The following C1QL3 variants were observed in gnomAD, a reference collection of about 807,000 sequenced individuals.
C1QL3 encodes the protein complement C1q-like protein 3.
A neutral mutation model predicts 16.6 loss-of-function variants in C1QL3; 4 were observed. The observed-to-expected ratio is 0.24, with a 90% CI of 0.12 to 0.55. The LOEUF (loss-of-function observed/expected upper bound fraction) is 0.55. Among genes scored for constraint, C1QL3 ranks in the 20% least tolerant of loss-of-function variants. The pLI, the probability that C1QL3 is intolerant of heterozygous loss-of-function variation, is 0.94. For missense variants in C1QL3, 269 were observed against 365.6 expected (o/e 0.74, Z 2.16); for synonymous variants, 189 against 160.2 (o/e 1.18, Z -1.36).
chr10:16,516,954 G>A lies in C1QL3; in HGVS notation c.589-2247C>T, dbSNP rs1424334230. ...ATAATTGCCATACTCCAGTGTACCT[G>A]GCATGATTTTGGTATGGCTGCTCAC... On this transcript the variant is annotated intron_variant, in intron 1 of 1. Transcript: ENST00000298943. 2.6e-5 allele frequency among the ~76,000 whole-genome samples: 4 copies of A among 152,170 alleles called. No individual in the cohort carries two copies. In the East Asian group the frequency reaches 7.7e-4, roughly 29 times the overall value.
Position 16,521,090 on chromosome 10 carries a change from G to T in C1QL3, c.-25C>A. 1 of 1,573,382 alleles carries T rather than the reference G, an allele frequency of 6.4e-7. No homozygotes were observed. The highest frequency in any genetic ancestry group is 8.6e-7 in the Non-Finnish European group (1 of 1,164,192). On this transcript the variant is annotated 5_prime_UTR_variant, in exon 1 of 2. Transcript: ENST00000298943. ...TCACCACCCCCAGCGCCCCGGCGGC[G>T]ATCAGGCGCCTCCTGCTGCCCACCA... is the stretch of plus-strand genomic sequence containing the variant.
chr10:16,519,139 A>ATTTTTTTTT (rs1385047282), intron 1 of C1QL3, among the ~76,000 whole-genome samples: 1 of 26,138 alleles, frequency 3.8e-5, no homozygotes, highest in African/African-American at 3.2e-4. Flanking sequence ...CGCATTTAGG[A>ATTTTTTTTT]CTTTTTTTTT....
chr10:16,515,377 C>T (rs1034607903), intron 1 of C1QL3, among the ~76,000 whole-genome samples: 6 of 151,982 alleles, frequency 3.9e-5, no homozygotes, highest in African/African-American at 1.4e-4. Flanking sequence ...TCCATCGTGT[C>T]TTTTTATTAC....
intron 1 of C1QL3, among the ~76,000 whole-genome samples, chr10:16,515,191 C>G (rs1194864798): frequency 6.8e-6 from 1 of 147,940 alleles, no homozygotes; most frequent in Non-Finnish European, 1.5e-5. Flanking sequence ...TAAAAATACC[C>G]AGGAAAATAC....
Position 16,520,841 on chromosome 10 carries a change from G to T in C1QL3, c.225C>A (p.Arg75=), listed in dbSNP as rs1281911856. Reference sequence around the variant, plus strand: ...GTGGCCCGGGCTCTCCGGGGGGCCCGCGCGGACCCGCCTTCCCGGGCCTGC... The same window carrying T: ...GTGGCCCGGGCTCTCCGGGGGGCCCTCGCGGACCCGCCTTCCCGGGCCTGC... ...EAGRPGKAGP[R]GPPGEPGPPG... is the part of the protein sequence containing the mutation. Residue 75 remains arginine, a synonymous_variant, in exon 1 of 2, where the codon CGC becomes CGA. Transcript: ENST00000298943. The surrounding 1 kb of genome is among the most constrained non-coding windows in gnomAD (Gnocchi z 8.3). 8 of 1,403,202 alleles carry T rather than the reference G, an allele frequency of 5.7e-6. No individual in the cohort carries two copies. In the South Asian group the frequency reaches 7.7e-5, roughly 13 times the overall value. 86.9% of individuals were successfully genotyped at this position (1,403,202 alleles called of 1,614,324 possible). A position where few individuals can be genotyped will look rare whatever the true frequency, so the allele number is the denominator to read the frequency against.
chr10:16,515,920 C>A (rs1413513871), intron 1 of C1QL3, among the ~76,000 whole-genome samples: 1 of 152,070 alleles, frequency 6.6e-6, no homozygotes, highest in Non-Finnish European at 1.5e-5. Context: ...TGGATTTTAT[C>A]ACTTGGCAAA....
At chr10:16,516,720 T>C (rs1836957172) in intron 1 of C1QL3, among the ~76,000 whole-genome samples, 1 of 152,210 alleles carries the variant, frequency 6.6e-6, no homozygotes, top group East Asian at 1.9e-4. Flanking sequence ...CTCCAGGGTG[T>C]AACCACAAAA....
intron 1 of C1QL3, among the ~76,000 whole-genome samples, chr10:16,517,078 G>A (rs1836963187): frequency 6.6e-6 from 1 of 152,180 alleles, no homozygotes; most frequent in South Asian, 2.1e-4. Context: ...AACTATTGAG[G>A]AAGGCAATGT....
Position 16,520,747 on chromosome 10 carries a change from C to T in C1QL3, c.319G>A (p.Ala107Thr), listed in dbSNP as rs1445852003. The change falls in exon 1 of 2, where the codon GCG becomes ACG. Residue 107 changes from alanine (A) to threonine (T), a missense_variant. Transcript: ENST00000298943. This position sits in a 1 kb window ranked among gnomAD's most constrained non-coding sequence, Gnocchi z 8.3. Reference sequence around the variant, plus strand: ...GCCCCGGCCGCGTTCAGGCCGGGCGCCCCGGGCGGGCCCGGCAGGCCTTGG... The same window carrying T: ...GCCCCGGCCGCGTTCAGGCCGGGCGTCCCGGGCGGGCCCGGCAGGCCTTGG... ...GRQGLPGPPG[A>T]PGLNAAGAIS... 1.4e-6 allele frequency: 2 copies of T among 1,424,246 alleles called. No individual in the cohort carries two copies. Among genetic ancestry groups the T allele is most frequent in the Non-Finnish European group, 1.8e-6 (2 of 1,086,154 alleles). 88.2% of individuals were successfully genotyped at this position (1,424,246 alleles called of 1,614,324 possible).
chr10:16,521,676 G>A lies in C1QL3; in HGVS notation c.-611C>T, dbSNP rs1197428065. On this transcript the variant is annotated 5_prime_UTR_variant, in exon 1 of 2. Transcript: ENST00000298943. ...TGCCACCACCACAACTCGAATAGAC[G>A]CGCACCCCAAAGCCCCGCGTGGGCC... 2.0e-5 allele frequency: 3 copies of A among 151,974 alleles called. No homozygotes were observed. The highest frequency in any genetic ancestry group is 2.9e-5 in the Non-Finnish European group (2 of 68,198). The allele number at this position is 151,974 out of a possible 1,614,324, so 9.4% of individuals were successfully genotyped here.
Position 16,513,812 on chromosome 10 carries a change from C to T in C1QL3, c.*716G>A, listed in dbSNP as rs1195143964. On this transcript the variant is annotated 3_prime_UTR_variant, in exon 2 of 2. Transcript: ENST00000298943. ...TTTCTAAATACCGTACATAATTACA[C>T]ATTTTCACACTTAGAGGGTAATCCT... 3 of 152,730 alleles carry T rather than the reference C, an allele frequency of 2.0e-5. No homozygotes were observed. The highest frequency in any genetic ancestry group is 4.8e-5 in the African/African-American group (2 of 41,446). 9.5% of individuals were successfully genotyped at this position (152,730 alleles called of 1,614,324 possible).
intron 1 of C1QL3, among the ~76,000 whole-genome samples, chr10:16,519,120 T>C (rs1836995574): frequency 7.0e-6 from 1 of 143,456 alleles, no homozygotes; most frequent in African/African-American, 2.6e-5. Flanking sequence ...TTGTCTTTTT[T>C]CTCTCTTACG....
chr10:16,515,002 T>G (rs1251126795), intron 1 of C1QL3, among the ~76,000 whole-genome samples: 1 of 152,116 alleles, frequency 6.6e-6, no homozygotes, highest in African/African-American at 2.4e-5. Context: ...GTATCACTCG[T>G]TTTTCTAACT....
Position 16,520,358 on chromosome 10 carries a change from G to T in C1QL3, c.588+120C>A. The T allele has an allele frequency of 1.3e-6, 1 of 777,878 alleles. No individual in the cohort carries two copies. The highest frequency in any genetic ancestry group is 2.0e-6 in the Non-Finnish European group (1 of 501,170). 48.2% of individuals were successfully genotyped at this position (777,878 alleles called of 1,614,324 possible). On this transcript the variant is annotated intron_variant, in intron 1 of 1. Coordinates refer to ENST00000298943, the MANE Select transcript of C1QL3 (RefSeq NM_001010908.2). The surrounding 1 kb of genome is among the most constrained non-coding windows in gnomAD (Gnocchi z 8.3). ...CGTCCCCCCTTGCCGTCGCTCCAGG[G>T]AGCCCGGCCGCCGCGCCCTTCCTCC...
chr10:16,519,882 G>T (rs761815602), intron 1 of C1QL3, among the ~76,000 whole-genome samples: 1 of 152,120 alleles, frequency 6.6e-6, no homozygotes, highest in African/African-American at 2.4e-5. Flanking sequence ...TGGAGTTTGC[G>T]CCTTGAAATT....
Position 16,520,610 on chromosome 10 carries a change from G to A in C1QL3, c.456C>T (p.Leu152=), listed in dbSNP as rs75810014. 5.0e-3 allele frequency: 8,060 copies of A among 1,613,704 alleles called. 318 individuals carry two copies. In the African/African-American group the frequency reaches 0.092, roughly 18 times the overall value. ...VLKFDDVVTN[L]GNHYDPTTGK... is the part of the protein sequence containing the mutation. ...CGGTGGTGGGGTCGTAGTGGTTTCC[G>A]AGGTTGGTGACCACGTCGTCGAACT... is the stretch of plus-strand genomic sequence containing the variant. Residue 152 remains leucine, a synonymous_variant, in exon 1 of 2, where the codon CTC becomes CTT. Transcript: ENST00000298943. This position sits in a 1 kb window ranked among gnomAD's most constrained non-coding sequence, Gnocchi z 8.3.
rs1170964157 is a variant in C1QL3 at position 16,520,469 on chromosome 10, C to T, written c.588+9G>A. 1.9e-6 allele frequency: 3 copies of T among 1,544,748 alleles called. No homozygotes were observed. The highest frequency in any genetic ancestry group is 1.2e-5 in the South Asian group (1 of 84,808). ...CTCCCCGCCCTCCCCGCCGCCCGCC[C>T]GCGCTCACCTGGTTGTTTTTGCAGA... is the stretch of plus-strand genomic sequence containing the variant. On this transcript the variant is annotated intron_variant, in intron 1 of 1. Coordinates refer to ENST00000298943, the MANE Select transcript of C1QL3 (RefSeq NM_001010908.2). This position sits in a 1 kb window ranked among gnomAD's most constrained non-coding sequence, Gnocchi z 8.3.
chr10:16,519,245 G>A (rs1284326979), intron 1 of C1QL3, among the ~76,000 whole-genome samples: 1 of 145,376 alleles, frequency 6.9e-6, no homozygotes, highest in Non-Finnish European at 1.5e-5. Flanking sequence ...CTGGGTTATA[G>A]CTAAGAATCT....
intron 1 of C1QL3, among the ~76,000 whole-genome samples, chr10:16,515,286 C>A (rs1836933364): frequency 6.6e-6 from 1 of 151,380 alleles, no homozygotes; most frequent in Non-Finnish European, 1.5e-5. Context: ...TCATGTAAAG[C>A]CCCCTTTACC....
Sources: allele counts gnomAD v4.1 joint callset (sites outside exome capture counted in the v4.1 genomes callset), GRCh38; gene constraint gnomAD v4.1.1; non-coding constraint Gnocchi (gnomAD v3.1); transcripts MANE v1.5; gene names NCBI Gene and HGNC (gene_info 2026-07-23, HGNC 2026-07-21).